LMF1: variants seen among roughly 807,000 people sequenced by gnomAD.
The protein encoded by LMF1 is transmembrane protein 112.
In LMF1, 68 loss-of-function variants were observed where a neutral mutation model predicts 60.6. The ratio of observed to expected loss-of-function variants is 1.12; its 90% confidence interval spans 0.92 to 1.37. The LOEUF (loss-of-function observed/expected upper bound fraction) is 1.37. Ranked by LOEUF, LMF1 falls within the 40% of genes most tolerant of loss-of-function variation. The pLI, the probability that LMF1 is intolerant of heterozygous loss-of-function variation, is 0.00. For missense variants in LMF1, 948 were observed against 767.2 expected, an observed-to-expected ratio of 1.24 and a Z score of -2.78; for synonymous variants, 418 against 324.7, an observed-to-expected ratio of 1.29 and a Z score of -3.09.
rs975406825 is a variant in LMF1, at chr16:897,145, G to T, written c.664-4073C>A. ...CGATGTTCCCGCCTTGCAACGTGTGGCTGCAGCAGCTCTTCTCCTGATGCC... is the reference window on the plus strand; with the variant it reads ...CGATGTTCCCGCCTTGCAACGTGTGTCTGCAGCAGCTCTTCTCCTGATGCC... On this transcript the variant is annotated intron_variant, in intron 4 of 10. Transcript: ENST00000262301. This position sits in a 1 kb window ranked among gnomAD's most constrained non-coding sequence, Gnocchi z 4.3. Among the ~76,000 whole-genome samples, 1 of 152,214 alleles carries T rather than the reference G, an allele frequency of 6.6e-6. No individual in the cohort carries two copies. The highest frequency in any genetic ancestry group is 2.4e-5 in the African/African-American group (1 of 41,446).
At chr16:856,179 A>C in intron 10 of LMF1, 1 of 354,438 alleles carries the variant, frequency 2.8e-6, no homozygotes, top group Non-Finnish European at 5.6e-6. Flanking sequence ...CCAGGAGGGC[A>C]CTGCCCACTG....
intron 5 of LMF1, 29 bp from the exon 6 acceptor site, chr16:879,766 C>A (rs1415236091): frequency 1.3e-6 from 2 of 1,552,958 alleles, no homozygotes; most frequent in Non-Finnish European, 1.7e-6. Context: ...CCGTGAGGTG[C>A]CTGGCCGATC....
At chr16:970,748 G>A (rs1471380407) in intron 1 of LMF1, 40 bp downstream of exon 1, 70 of 1,488,060 alleles carry the variant, frequency 4.7e-5, no homozygotes, top group Non-Finnish European at 5.8e-5. Flanking sequence ...GGTGCGCGGA[G>A]GTGACACTGG....
intron 1 of LMF1, among the ~76,000 whole-genome samples, chr16:964,924 C>T (rs933262633): frequency 5.3e-5 from 8 of 152,244 alleles, no homozygotes; most frequent in African/African-American, 1.4e-4. Context: ...GAAGGAAGGG[C>T]GGTGAGCAGG....
chr16:959,804 G>C (rs890711531), intron 1 of LMF1, among the ~76,000 whole-genome samples: 1 of 150,884 alleles, frequency 6.6e-6, no homozygotes, highest in Non-Finnish European at 1.5e-5. Flanking sequence ...CTAGCAGAGA[G>C]GGAGGATTCA....
intron 3 of LMF1, among the ~76,000 whole-genome samples, chr16:932,184 C>T (rs977003119): frequency 6.6e-6 from 1 of 152,240 alleles, no homozygotes; most frequent in African/African-American, 2.4e-5. Context: ...CCCCCCCACC[C>T]TACTTAGAGT....
chr16:939,348 C>T (rs72759493), intron 2 of LMF1, among the ~76,000 whole-genome samples: 2,310 of 152,328 alleles, frequency 0.015, 32 homozygotes, highest in African/African-American at 0.035. Flanking sequence ...AGCTAGTTCA[C>T]ACAGTAAGTC....
chr16:869,488 A>G, intron 9 of LMF1: 1 of 544,702 alleles, frequency 1.8e-6, no homozygotes, highest in Non-Finnish European at 3.5e-6. Context: ...CTGGAAGGCA[A>G]CGCTGCCATC....
intron 3 of LMF1, among the ~76,000 whole-genome samples, chr16:914,434 C>T (rs1275562239): frequency 6.6e-6 from 1 of 152,110 alleles, no homozygotes; most frequent in Non-Finnish European, 1.5e-5. Flanking sequence ...AGAGAACGCA[C>T]ACCGCTGTGG....
intron 4 of LMF1, among the ~76,000 whole-genome samples, chr16:909,509 C>T (rs1247169817): frequency 1.3e-5 from 2 of 152,184 alleles, no homozygotes; most frequent in Admixed American, 1.3e-4. Context: ...AGCCACGCTA[C>T]ACAGAGCCAC....
chr16:919,309 C>T (rs938026329), intron 3 of LMF1, among the ~76,000 whole-genome samples: 3 of 151,990 alleles, frequency 2.0e-5, no homozygotes, highest in African/African-American at 4.8e-5. Flanking sequence ...GGTTGGCACA[C>T]CTGAGAAGTG....
chr16:879,980 G>A (rs988563648), intron 5 of LMF1, among the ~76,000 whole-genome samples: 1 of 152,216 alleles, frequency 6.6e-6, no homozygotes, highest in Non-Finnish European at 1.5e-5. Flanking sequence ...CCATCTAAAA[G>A]CAAAGAATAC....
chr16:964,920 A>G (rs1300040338), intron 1 of LMF1, among the ~76,000 whole-genome samples: 1 of 152,232 alleles, frequency 6.6e-6, no homozygotes, highest in Non-Finnish European at 1.5e-5. Flanking sequence ...AAAAGAAGGA[A>G]GGGCGGTGAG....
Position 969,581 on chromosome 16 carries a change from C to A in LMF1, c.193+1207G>T, listed in dbSNP as rs890348189. Among the ~76,000 whole-genome samples the A allele has an allele frequency of 2.0e-5, 3 of 152,346 alleles. No individual in the cohort carries two copies. The East Asian group carries it at 5.8e-4, about 29-fold the overall frequency. On this transcript the variant is annotated intron_variant, in intron 1 of 10. Transcript: ENST00000262301. ...CAAAGAAGAACTTCTGCAACCTGAC[C>A]CTTTCCTTCCACACGTGAGGGAAGC...
chr16:880,540 C>A (rs543927816), intron 5 of LMF1, among the ~76,000 whole-genome samples: 2 of 152,192 alleles, frequency 1.3e-5, no homozygotes, highest in African/African-American at 4.8e-5. Flanking sequence ...CATGGTGGTG[C>A]GTGCCTGTAG....
At chr16:980,600 G>C (rs1009758383) in intron 1 of LMF1, 1 of 152,220 alleles carries the variant, frequency 6.6e-6, no homozygotes, top group Admixed American at 6.5e-5. Flanking sequence ...TCCCGCGTTG[G>C]CTGCCTGACC....
chr16:935,043 G>A (rs140592197), intron 2 of LMF1, among the ~76,000 whole-genome samples: 2 of 152,316 alleles, frequency 1.3e-5, no homozygotes, highest in Admixed American at 6.5e-5. Context: ...CGAAATGTAC[G>A]GAACAGGCCG....
chr16:981,348 G>C (rs1436564980), upstream of LMF1: 1 of 82,880 alleles, frequency 1.2e-5, no homozygotes, highest in Non-Finnish European at 2.4e-5. Context: ...GAGAGAGAGA[G>C]TGTGTGTGTG....
chr16:871,427 G>T lies in LMF1; in HGVS notation c.898-86C>A, dbSNP rs113445575. 906 of 1,375,424 alleles carry T rather than the reference G, an allele frequency of 6.6e-4. 5 individuals are homozygous for T. The African/African-American group carries it at 9.8e-3, about 15-fold the overall frequency. The allele number at this position is 1,375,424 out of a possible 1,614,324, so 85.2% of individuals were successfully genotyped here. A position where few individuals can be genotyped will look rare whatever the true frequency, so the allele number is the denominator to read the frequency against. On this transcript the variant is annotated intron_variant, in intron 6 of 10. Transcript: ENST00000262301. ...GCGCCTCTCTTCCTGGAGCAGGGAG[G>T]GGGGAGGGAACCTGCACCCAGCTCT...
Sources: allele counts gnomAD v4.1 joint callset (sites outside exome capture counted in the v4.1 genomes callset), GRCh38; gene constraint gnomAD v4.1.1; non-coding constraint Gnocchi (gnomAD v3.1); transcripts MANE v1.5; gene names NCBI Gene and HGNC (gene_info 2026-07-23, HGNC 2026-07-21).